LZTFL1: variants seen among roughly 807,000 people sequenced by gnomAD.
The protein encoded by LZTFL1 is leucine zipper transcription factor-like protein 1.
LZTFL1 carries 25 observed loss-of-function variants against 45.9 expected under a neutral mutation model. The ratio of observed to expected loss-of-function variants is 0.54; its 90% CI spans 0.40 to 0.76. The LOEUF is 0.76. LZTFL1 is among the 30% of genes least tolerant of loss of function. LZTFL1 has a pLI of 0.00. For synonymous variants in LZTFL1, 93 were observed against 117.4 expected (o/e 0.79, Z 1.35); for missense variants, 277 against 331.1 (o/e 0.84, Z 1.27).
upstream of LZTFL1, among the ~76,000 whole-genome samples, chr3:45,842,355 C>T (rs1261141214): frequency 1.3e-5 from 2 of 152,258 alleles, no homozygotes; most frequent in East Asian, 1.9e-4. Flanking sequence ...GCGCTTCGCG[C>T]CTCGTGGCGT....
At chr3:45,913,745 G>A (rs1702845299) in intron 1 of LZTFL1, among the ~76,000 whole-genome samples, 2 of 152,208 alleles carry the variant, frequency 1.3e-5, no homozygotes, top group South Asian at 4.1e-4. Flanking sequence ...AAAGACCTTT[G>A]ATTCTGTGTA....
chr3:45,885,431 C>T (rs1352411601), intron 2 of LZTFL1, among the ~76,000 whole-genome samples: 2 of 152,102 alleles, frequency 1.3e-5, no homozygotes, highest in Non-Finnish European at 2.9e-5. Context: ...AAAGTTTTAC[C>T]AAAACACCTG....
At chr3:45,858,261 A>G (rs980141735) in intron 3 of LZTFL1, among the ~76,000 whole-genome samples, 1 of 152,202 alleles carries the variant, frequency 6.6e-6, no homozygotes, top group Admixed American at 6.5e-5. Flanking sequence ...ATGCTTCACA[A>G]GGTTATTTTG....
chr3:45,837,105 T>C (rs1700985880), intron 2 of LZTFL1, among the ~76,000 whole-genome samples: 1 of 152,206 alleles, frequency 6.6e-6, no homozygotes, highest in Middle Eastern at 3.2e-3. Flanking sequence ...AAGTTAATAG[T>C]ATTTGTTTTA....
intron 2 of LZTFL1, among the ~76,000 whole-genome samples, chr3:45,912,303 C>T (rs1279405501): frequency 6.6e-6 from 1 of 152,186 alleles, no homozygotes; most frequent in Non-Finnish European, 1.5e-5. Flanking sequence ...AGATTATAGA[C>T]TCTTTGGTAG....
At chr3:45,875,258 T>C (rs565178450) in intron 2 of LZTFL1, among the ~76,000 whole-genome samples, 20 of 152,336 alleles carry the variant, frequency 1.3e-4, no homozygotes, top group Non-Finnish European at 2.2e-4. Context: ...ATTACCGTAT[T>C]CTTAGTATTT....
At chr3:45,910,249 T>C (rs1382776184) in intron 2 of LZTFL1, among the ~76,000 whole-genome samples, 1 of 151,986 alleles carries the variant, frequency 6.6e-6, no homozygotes, top group Non-Finnish European at 1.5e-5. Flanking sequence ...AAGATGGTGG[T>C]GGCGGAGTTG....
intron 2 of LZTFL1, among the ~76,000 whole-genome samples, chr3:45,859,913 C>T (rs1227837870): frequency 4.6e-5 from 7 of 152,048 alleles, no homozygotes; most frequent in Non-Finnish European, 7.4e-5. Flanking sequence ...ATGTACAGAA[C>T]TGAAATAAAA....
intron 4 of LZTFL1, among the ~76,000 whole-genome samples, chr3:45,852,219 G>C (rs1004787146): frequency 6.6e-6 from 1 of 152,210 alleles, no homozygotes; most frequent in African/African-American, 2.4e-5. Context: ...AAAAACTGTT[G>C]ATAGGAGGAT....
chr3:45,913,174 G>C (rs1448965806), exon 2 of LZTFL1: 1 of 1,534,054 alleles, frequency 6.5e-7, no homozygotes. Context: ...CTTACAGCAA[G>C]AGCCTAGAAA....
Position 45,890,317 on chromosome 3 carries a change from T to TATA in LZTFL1, c.-215+22802_-215+22803insTAT, listed in dbSNP as rs1314296937. On this transcript the variant is annotated intron_variant, in intron 2 of 4. Transcript: ENST00000472635. ...ATATATATATAACATATATATATAT[T>TATA]TATATAAATATATATATAACATATA... Among the ~76,000 whole-genome samples, 25 of 61,358 alleles carry TATA rather than the reference T, an allele frequency of 4.1e-4. 3 individuals carry two copies. The highest frequency in any genetic ancestry group is 1.8e-3 in the East Asian group (4 of 2,194). 40.3% of individuals were successfully genotyped at this position (61,358 alleles called of 152,430 possible). A position where few individuals can be genotyped will look rare whatever the true frequency, so the allele number is the denominator to read the frequency against.
rs1477010860 is a variant in LZTFL1, at chr3:45,824,229, C to G, written c.*2085G>C. ...AAAGTCTAATCAAGGCTCAAACCAC[C>G]ATCCTTAGAAATCCAATATATATAT... On this transcript the variant is annotated 3_prime_UTR_variant, in exon 10 of 10. Transcript: ENST00000296135. 1.3e-5 allele frequency: 2 copies of G among 152,010 alleles called. No individual in the cohort carries two copies. The highest frequency in any genetic ancestry group is 2.9e-5 in the Non-Finnish European group (2 of 68,012). 9.4% of individuals were successfully genotyped at this position (152,010 alleles called of 1,614,324 possible). A position where few individuals can be genotyped will look rare whatever the true frequency, so the allele number is the denominator to read the frequency against.
chr3:45,859,300 C>T (rs1013802432), intron 2 of LZTFL1, among the ~76,000 whole-genome samples: 1 of 152,172 alleles, frequency 6.6e-6, no homozygotes, highest in Admixed American at 6.5e-5. Context: ...ATAATAGCTC[C>T]CTGCAGCCTC....
intron 2 of LZTFL1, among the ~76,000 whole-genome samples, chr3:45,885,966 C>T (rs1305029987): frequency 2.6e-5 from 4 of 152,160 alleles, no homozygotes; most frequent in Admixed American, 2.6e-4. Context: ...GTGATCTGCC[C>T]GCCTCAGTCT....
At chr3:45,835,346 T>C (rs1007765338) in intron 3 of LZTFL1, 1 of 441,422 alleles carries the variant, frequency 2.3e-6, no homozygotes. Context: ...AATGATAGCC[T>C]GAAAAGCAAT....
chr3:45,894,850 G>A, intron 2 of LZTFL1: 1 of 1,252,080 alleles, frequency 8.0e-7, no homozygotes, highest in Non-Finnish European at 1.2e-6. Context: ...TTGGCATTTG[G>A]TTGTTACTAT....
intron 2 of LZTFL1, among the ~76,000 whole-genome samples, chr3:45,883,020 G>T (rs539524120): frequency 1.3e-5 from 2 of 152,036 alleles, no homozygotes; most frequent in East Asian, 3.9e-4. Flanking sequence ...TCTACAAGGG[G>T]GACCTTGCCC....
At chr3:45,878,659 C>T (rs1701795080) in intron 2 of LZTFL1, among the ~76,000 whole-genome samples, 1 of 148,644 alleles carries the variant, frequency 6.7e-6, no homozygotes, top group Non-Finnish European at 1.5e-5. Context: ...AAGCCCCAGA[C>T]TGGGAGAAAG....
intron 2 of LZTFL1, chr3:45,894,767 T>C (rs1439883465): frequency 1.0e-5 from 7 of 669,784 alleles, no homozygotes; most frequent in Admixed American, 4.3e-5. Flanking sequence ...TAGAATACTA[T>C]ATAGACTCTA....
Sources: gnomAD v4.1 joint callset for allele counts (sites outside exome capture counted in the v4.1 genomes callset) on GRCh38, gnomAD v4.1.1 for gene constraint, MANE v1.5 for transcripts, NCBI Gene and HGNC (gene_info 2026-07-23, HGNC 2026-07-21) for gene names.